EYA2: variants seen among roughly 807,000 people sequenced by gnomAD.
The protein encoded by EYA2 is protein phosphatase EYA2.
In EYA2, 31 loss-of-function variants were observed where a neutral mutation model predicts 69.2. The observed-to-expected ratio is 0.45, with a 90% confidence interval of 0.34 to 0.60. EYA2 has a LOEUF of 0.60. EYA2 is among the 20% of genes least tolerant of loss of function. EYA2 has a pLI of 0.02. For synonymous variants in EYA2, 257 were observed against 279.4 expected, an observed-to-expected ratio of 0.92 and a Z score of 0.80; for missense variants, 622 against 701.2, an observed-to-expected ratio of 0.89 and a Z score of 1.28.
At chr20:47,002,196 C>A (rs1479232916) in intron 3 of EYA2, among the ~76,000 whole-genome samples, 1 of 151,584 alleles carries the variant, frequency 6.6e-6, no homozygotes, top group Non-Finnish European at 1.5e-5. Flanking sequence ...CTCCTTTCAT[C>A]ATTTCTTTAC....
chr20:47,176,815 A>G (rs542117843), intron 12 of EYA2, among the ~76,000 whole-genome samples: 2 of 150,750 alleles, frequency 1.3e-5, no homozygotes, highest in African/African-American at 4.9e-5. Flanking sequence ...TTTTTGAGAC[A>G]GAGTCTCACT....
intron 9 of EYA2, among the ~76,000 whole-genome samples, chr20:47,129,439 G>A (rs1009018722): frequency 6.6e-6 from 1 of 152,172 alleles, no homozygotes; most frequent in Non-Finnish European, 1.5e-5. Context: ...TGGGAAGAGG[G>A]GATTTCAGGC....
intron 1 of EYA2, among the ~76,000 whole-genome samples, chr20:46,976,277 G>A (rs1003005873): frequency 1.3e-5 from 2 of 152,206 alleles, no homozygotes; most frequent in Admixed American, 6.5e-5. Context: ...GCCGAGGTGG[G>A]AGGATTGCTT....
chr20:47,136,055 C>T (rs1213258166), intron 9 of EYA2, among the ~76,000 whole-genome samples: 1 of 151,626 alleles, frequency 6.6e-6, no homozygotes, highest in East Asian at 1.9e-4. Flanking sequence ...CTTGGAAAAT[C>T]CAGGAAAAAA....
In EYA2 at chr20:47,182,630, A is replaced by C. The variant is rs1412467608; in HGVS notation, c.1436-661A>C. Among the ~76,000 whole-genome samples, 4 of 142,980 alleles carry C rather than the reference A, an allele frequency of 2.8e-5. 1 individual carries two copies. The highest frequency in any genetic ancestry group is 4.6e-5 in the Non-Finnish European group (3 of 65,070). 93.8% of individuals were successfully genotyped at this position (142,980 alleles called of 152,430 possible). A position where few individuals can be genotyped will look rare whatever the true frequency, so the allele number is the denominator to read the frequency against. On this transcript the variant is annotated intron_variant, in intron 14 of 15. Coordinates refer to ENST00000327619, the MANE Select transcript of EYA2 (RefSeq NM_005244.5). ...GGCAACAAGAACGAGACTCCGTCTAAAAAAAAAAAAAAAAGGTTAAGATGG... is the reference window on the plus strand; with the variant it reads ...GGCAACAAGAACGAGACTCCGTCTACAAAAAAAAAAAAAAGGTTAAGATGG...
At chr20:47,003,201 G>C (rs1982486303) in intron 3 of EYA2, among the ~76,000 whole-genome samples, 1 of 152,190 alleles carries the variant, frequency 6.6e-6, no homozygotes, top group Non-Finnish European at 1.5e-5. Context: ...TCTATCTGCT[G>C]TATGCTTGTG....
At chr20:46,999,642 ATGAC>A (rs1297472535) in intron 2 of EYA2, among the ~76,000 whole-genome samples, 2 of 152,180 alleles carry the variant, frequency 1.3e-5, no homozygotes, top group Non-Finnish European at 2.9e-5. Context: ...AATTCCAGTT[ATGAC>A]TCTCTAAATG....
intron 9 of EYA2, among the ~76,000 whole-genome samples, chr20:47,107,575 G>A (rs954988361): frequency 6.8e-6 from 1 of 147,012 alleles, no homozygotes; most frequent in South Asian, 2.2e-4. Flanking sequence ...GCATGGTGGT[G>A]TACCCCTGTA....
chr20:47,125,713 C>T (rs2146567361), intron 9 of EYA2, among the ~76,000 whole-genome samples: 1 of 152,310 alleles, frequency 6.6e-6, no homozygotes, highest in South Asian at 2.1e-4. Context: ...AAGAGATAAA[C>T]CCCACAGAAT....
intron 15 of EYA2, among the ~76,000 whole-genome samples, chr20:47,187,139 T>C (rs2034659055): frequency 6.6e-6 from 1 of 151,806 alleles, no homozygotes; most frequent in African/African-American, 2.4e-5. Flanking sequence ...GAGGCTGAGG[T>C]GGGTGGATCG....
chr20:47,084,019 G>T (rs577323092), intron 7 of EYA2, among the ~76,000 whole-genome samples: 2 of 152,340 alleles, frequency 1.3e-5, no homozygotes, highest in Admixed American at 6.5e-5. Flanking sequence ...GCCAAGGCAG[G>T]CAGGTCACCT....
intron 14 of EYA2, among the ~76,000 whole-genome samples, chr20:47,182,250 G>A (rs2034551210): frequency 6.6e-6 from 1 of 151,830 alleles, no homozygotes; most frequent in African/African-American, 2.4e-5. Context: ...CCTGACCTCA[G>A]GTGATCCATC....
chr20:47,147,152 G>A (rs1188725277), intron 10 of EYA2, among the ~76,000 whole-genome samples: 4 of 149,502 alleles, frequency 2.7e-5, no homozygotes, highest in East Asian at 2.0e-4. Context: ...GGGTTCAAGC[G>A]ATTCTCCTGC....
intron 5 of EYA2, among the ~76,000 whole-genome samples, chr20:47,039,963 C>G (rs998753855): frequency 6.6e-6 from 1 of 151,230 alleles, no homozygotes; most frequent in Admixed American, 6.6e-5. Context: ...GCCTCAGCCT[C>G]CCGAGTAGCT....
intron 1 of EYA2, among the ~76,000 whole-genome samples, chr20:46,954,864 G>A (rs578183723): frequency 1.3e-5 from 2 of 152,294 alleles, no homozygotes; most frequent in South Asian, 4.1e-4. Flanking sequence ...TTGGTGGTCT[G>A]CAGCTGAAAA....
intron 1 of EYA2, among the ~76,000 whole-genome samples, chr20:46,909,129 G>T (rs562419992): frequency 6.6e-6 from 1 of 152,010 alleles, no homozygotes; most frequent in East Asian, 1.9e-4. Context: ...TTAGTTTCTT[G>T]ATGATGATTA....
intron 1 of EYA2, among the ~76,000 whole-genome samples, chr20:46,925,821 C>A (rs556723025): frequency 4.7e-4 from 71 of 152,306 alleles, no homozygotes; most frequent in Middle Eastern, 6.8e-3. Flanking sequence ...TAGGAATTTA[C>A]TGCAATTGTA....
chr20:47,112,034 C>T (rs952215815), intron 9 of EYA2, among the ~76,000 whole-genome samples: 22 of 152,078 alleles, frequency 1.4e-4, no homozygotes, highest in Middle Eastern at 3.4e-3. Context: ...CTAGCTACTC[C>T]GGAGGCTGAG....
chr20:46,961,313 G>A (rs1426621500), intron 1 of EYA2, among the ~76,000 whole-genome samples: 1 of 152,050 alleles, frequency 6.6e-6, no homozygotes, highest in Non-Finnish European at 1.5e-5. Context: ...GCAACAGAGC[G>A]AGACTCTGTC....
Sources: gnomAD v4.1 joint callset for allele counts (sites outside exome capture counted in the v4.1 genomes callset) on GRCh38, gnomAD v4.1.1 for gene constraint, MANE v1.5 for transcripts, NCBI Gene and HGNC (gene_info 2026-07-23, HGNC 2026-07-21) for gene names.